RBM20: variants seen among roughly 807,000 people sequenced by gnomAD.
RBM20 encodes RNA binding motif protein 20.
A neutral mutation model predicts 110.1 loss-of-function variants in RBM20; 51 were observed. The ratio of observed to expected loss-of-function variants is 0.46; its 90% confidence interval spans 0.37 to 0.59. RBM20 has a LOEUF of 0.59. Ranked by LOEUF, RBM20 falls within the 20% of genes least tolerant of loss-of-function variation. The probability of loss-of-function intolerance (pLI) is 0.00; values close to 1 mark genes in which losing one functional copy is unlikely to be tolerated. For synonymous variants in RBM20, 589 were observed against 618.2 expected, an observed-to-expected ratio of 0.95 and a Z score of 0.70; for missense variants, 1,512 against 1,574.9, an observed-to-expected ratio of 0.96 and a Z score of 0.68.
intron 7 of RBM20, among the ~76,000 whole-genome samples, chr10:110,806,421 C>T (rs1203549727): frequency 6.6e-6 from 1 of 152,190 alleles, no homozygotes; most frequent in Non-Finnish European, 1.5e-5. Context: ...GCAGACATGT[C>T]TTTCATGGCC....
At chr10:110,684,640 G>A (rs1035488490) in intron 1 of RBM20, among the ~76,000 whole-genome samples, 20 of 152,140 alleles carry the variant, frequency 1.3e-4, no homozygotes, top group South Asian at 4.1e-4. Flanking sequence ...AGAAGTTCAG[G>A]CCAGTTTCCA....
intron 9 of RBM20, 24 bp downstream of exon 9, chr10:110,812,971 G>A (rs1844795167): frequency 1.4e-6 from 2 of 1,417,900 alleles, no homozygotes. Context: ...TCTTCCCCAG[G>A]TAAGGCGAGG....
At chr10:110,794,885 G>A (rs1440887155) in intron 5 of RBM20, among the ~76,000 whole-genome samples, 1 of 152,254 alleles carries the variant, frequency 6.6e-6, no homozygotes, top group African/African-American at 2.4e-5. Context: ...AGCAGCAGCA[G>A]TTGCTGTGCT....
At position 110,644,552 on chromosome 10, in the gene RBM20, C is replaced by T; in HGVS notation, c.98C>T (p.Pro33Leu). ...AGTGTGCCTGGTGCCCGGGCGTCCC[C>T]GGCACCCTCCGGCCCGCGAGGGATG... ...ACSVPGARAS[P>L]APSGPRGMQQ... is the part of the protein sequence containing the mutation. The change falls in exon 1 of 14, where the codon CCG becomes CTG. Residue 33 changes from proline to leucine, a missense_variant. Physicochemically the swap from Pro to Leu is moderately conservative, Grantham distance 98. Coordinates refer to ENST00000369519, the MANE Select transcript of RBM20 (RefSeq NM_001134363.3). This position sits in a 1 kb window ranked among gnomAD's most constrained non-coding sequence, Gnocchi z 4.3. 6.6e-7 allele frequency: 1 copy of T among 1,526,346 alleles called. No individual in the cohort carries two copies. Among genetic ancestry groups the T allele is most frequent in the East Asian group, 2.6e-5 (1 of 39,138 alleles). The allele number at this position is 1,526,346 out of a possible 1,614,324, so 94.6% of individuals were successfully genotyped here. A position where few individuals can be genotyped will look rare whatever the true frequency, so the allele number is the denominator to read the frequency against.
intron 1 of RBM20, among the ~76,000 whole-genome samples, chr10:110,658,501 C>G (rs1394861421): frequency 1.4e-4 from 21 of 152,116 alleles, no homozygotes; most frequent in Admixed American, 1.4e-3. Flanking sequence ...CAGAGCCAGG[C>G]CTTCTGACTC....
rs1483379306 is a variant in RBM20, at chr10:110,781,225, A to T, written c.616A>T (p.Thr206Ser). ...TCCTTTCACTGGGGTAATGCCTCAG[A>T]CCCCTGGCCAGCCAGCAGTCATCTT... is the stretch of plus-strand genomic sequence containing the variant. ...MHPFTGVMPQ[T>S]PGQPAVILGI... Residue 206 changes from threonine to serine, a missense_variant, in exon 2 of 14, where the codon ACC becomes TCC. Physicochemically the swap from Thr to Ser is moderately conservative, Grantham distance 58. Coordinates refer to ENST00000369519, the MANE Select transcript of RBM20 (RefSeq NM_001134363.3). The T allele has an allele frequency of 6.4e-7, 1 of 1,551,388 alleles. No individual in the cohort carries two copies.
intron 1 of RBM20, among the ~76,000 whole-genome samples, chr10:110,694,777 A>G (rs1862637140): frequency 6.6e-6 from 1 of 152,180 alleles, no homozygotes; most frequent in African/African-American, 2.4e-5. Flanking sequence ...ATACCTTAGT[A>G]TTACATTTTA....
rs1195390759 is a variant in RBM20, at chr10:110,644,543, G to C, written c.89G>C (p.Arg30Pro). 7.9e-6 allele frequency: 12 copies of C among 1,526,970 alleles called. No individual in the cohort carries two copies. Among genetic ancestry groups the C allele is most frequent in the Non-Finnish European group, 1.1e-5 (12 of 1,140,468 alleles). 94.6% of individuals were successfully genotyped at this position (1,526,970 alleles called of 1,614,324 possible). A position where few individuals can be genotyped will look rare whatever the true frequency, so the allele number is the denominator to read the frequency against. The change falls in exon 1 of 14, where the codon CGG (arginine) becomes CCG (proline). Residue 30 changes from arginine (R) to proline (P), a missense_variant. Physicochemically the swap from Arg to Pro is moderately radical, Grantham distance 103. Coordinates refer to ENST00000369519, the MANE Select transcript of RBM20 (RefSeq NM_001134363.3). This position sits in a 1 kb window ranked among gnomAD's most constrained non-coding sequence, Gnocchi z 4.3. ...DRVACSVPGA[R>P]ASPAPSGPRG... ...GTTGCCTGCAGTGTGCCTGGTGCCC[G>C]GGCGTCCCCGGCACCCTCCGGCCCG...
At chr10:110,725,198 A>G (rs757972080) in intron 1 of RBM20, among the ~76,000 whole-genome samples, 11 of 152,222 alleles carry the variant, frequency 7.2e-5, no homozygotes, top group Non-Finnish European at 8.8e-5. Context: ...TGGTGCTAAC[A>G]TTTTGGAATC....
At chr10:110,774,643 G>A (rs1844237337) in intron 1 of RBM20, among the ~76,000 whole-genome samples, 1 of 151,996 alleles carries the variant, frequency 6.6e-6, no homozygotes, top group Non-Finnish European at 1.5e-5. Flanking sequence ...AACTTCATTG[G>A]CTTTTGCGGT....
Position 110,644,512 on chromosome 10 carries a change from G to T in RBM20, c.58G>T (p.Asp20Tyr), listed in dbSNP as rs1286794830. 3 of 1,527,580 alleles carry T rather than the reference G, an allele frequency of 2.0e-6. No homozygotes were observed. The highest frequency in any genetic ancestry group is 4.0e-5 in the Admixed American group (2 of 49,458). The allele number at this position is 1,527,580 out of a possible 1,614,324, so 94.6% of individuals were successfully genotyped here. ...DADPSGPEQP[D>Y]RVACSVPGAR... ...GGACCCCAGCGGTCCGGAGCAGCCG[G>T]ACAGAGTTGCCTGCAGTGTGCCTGG... Residue 20 changes from aspartate (D) to tyrosine (Y), a missense_variant, in exon 1 of 14, where the codon GAC (aspartate) becomes TAC (tyrosine). Around this residue, in one of 3 missense-constraint regions of RBM20, gnomAD observed 1,149 missense variants for 1,169.4 expected, o/e 0.98. Transcript: ENST00000369519. This position sits in a 1 kb window ranked among gnomAD's most constrained non-coding sequence, Gnocchi z 4.3.
At chr10:110,687,906 C>T (rs1396897461) in intron 1 of RBM20, among the ~76,000 whole-genome samples, 1 of 151,988 alleles carries the variant, frequency 6.6e-6, no homozygotes, top group African/African-American at 2.4e-5. Context: ...ACTCTTCTAA[C>T]CAGCTCCTAG....
intron 1 of RBM20, among the ~76,000 whole-genome samples, chr10:110,680,864 G>A (rs949287435): frequency 3.9e-5 from 6 of 152,094 alleles, no homozygotes; most frequent in African/African-American, 1.2e-4. Flanking sequence ...TTTCCTTCCT[G>A]TTTCTCTCGT....
intron 1 of RBM20, among the ~76,000 whole-genome samples, chr10:110,689,073 G>A (rs1164528967): frequency 6.6e-6 from 1 of 152,014 alleles, no homozygotes; most frequent in Non-Finnish European, 1.5e-5. Context: ...ACATTCACCT[G>A]CTGTTGTATG....
At chr10:110,661,838 C>A (rs1270367015) in intron 1 of RBM20, among the ~76,000 whole-genome samples, 1 of 151,932 alleles carries the variant, frequency 6.6e-6, no homozygotes, top group African/African-American at 2.4e-5. Flanking sequence ...GGCAAAACCC[C>A]GTCTCTACTA....
chr10:110,651,827 G>T (rs1432779016), intron 1 of RBM20, among the ~76,000 whole-genome samples: 1 of 152,168 alleles, frequency 6.6e-6, no homozygotes, highest in African/African-American at 2.4e-5. Flanking sequence ...TCAGGAGACC[G>T]AGTGTTTCCA....
chr10:110,785,789 C>A (rs1844412000), intron 5 of RBM20, among the ~76,000 whole-genome samples: 1 of 151,600 alleles, frequency 6.6e-6, no homozygotes, highest in African/African-American at 2.4e-5. Flanking sequence ...GACTTTCTAG[C>A]ATTCAGCGCT....
chr10:110,789,230 C>T (rs1434123590), intron 5 of RBM20, among the ~76,000 whole-genome samples: 2 of 152,134 alleles, frequency 1.3e-5, no homozygotes, highest in Non-Finnish European at 2.9e-5. Context: ...CAAAGTGACA[C>T]GGAGCTCTGG....
intron 12 of RBM20, among the ~76,000 whole-genome samples, chr10:110,824,053 T>C (rs1002442059): frequency 6.6e-6 from 1 of 152,076 alleles, no homozygotes. Flanking sequence ...AAGTGTATGA[T>C]GCAATAACCT....
Sources: gnomAD v4.1 joint callset for allele counts (sites outside exome capture counted in the v4.1 genomes callset) on GRCh38, gnomAD v4.1.1 for gene constraint, gnomAD v4.1.1 regional missense constraint, Gnocchi (gnomAD v3.1) non-coding constraint, MANE v1.5 for transcripts, NCBI Gene and HGNC (gene_info 2026-07-23, HGNC 2026-07-21) for gene names.